POLR3B: variants seen among roughly 807,000 people sequenced by gnomAD.
POLR3B encodes the protein DNA-directed RNA polymerase III subunit RPC2.
POLR3B carries 96 observed loss-of-function variants against 147.4 expected under a neutral mutation model. The observed-to-expected ratio is 0.65, with a 90% confidence interval of 0.55 to 0.77. POLR3B has a LOEUF of 0.77. POLR3B is among the 30% of genes least tolerant of loss of function. The pLI, the probability that POLR3B is intolerant of heterozygous loss-of-function variation, is 0.00. For synonymous variants in POLR3B, 461 were observed against 485.9 expected (o/e 0.95, Z 0.67); for missense variants, 1,036 against 1,413.5 (o/e 0.73, Z 4.28).
chr12:106,367,474 T>A (rs1335884207), intron 4 of POLR3B, among the ~76,000 whole-genome samples: 2 of 152,214 alleles, frequency 1.3e-5, no homozygotes, highest in African/African-American at 2.4e-5. Flanking sequence ...GAGCTCCGTG[T>A]TATGTTTAGT....
At chr12:106,365,307 A>C (rs2036519359) in intron 2 of POLR3B, among the ~76,000 whole-genome samples, 1 of 152,116 alleles carries the variant, frequency 6.6e-6, no homozygotes, top group South Asian at 2.1e-4. Flanking sequence ...TTTTCTTCTA[A>C]AAGCCGTAGG....
chr12:106,464,294 G>A (rs2037977511), intron 23 of POLR3B, among the ~76,000 whole-genome samples: 1 of 152,182 alleles, frequency 6.6e-6, no homozygotes, highest in South Asian at 2.1e-4. Context: ...AGCTCTGCCT[G>A]CCGCTTAGCT....
At chr12:106,444,379 G>A in intron 18 of POLR3B, 84 bp from the exon 19 acceptor site, 1 of 1,369,420 alleles carries the variant, frequency 7.3e-7, no homozygotes, top group Non-Finnish European at 1.0e-6. Flanking sequence ...GGAGGACCTA[G>A]ATAACAATAT....
intron 1 of POLR3B, among the ~76,000 whole-genome samples, chr12:106,362,342 A>G (rs1209495373): frequency 1.3e-5 from 2 of 152,152 alleles, no homozygotes; most frequent in African/African-American, 4.8e-5. Context: ...ATGTGGGAGT[A>G]TTAGCTCATA....
At chr12:106,493,829 T>G (rs1436153893) in intron 23 of POLR3B, among the ~76,000 whole-genome samples, 2 of 152,200 alleles carry the variant, frequency 1.3e-5, no homozygotes, top group Non-Finnish European at 2.9e-5. Context: ...ATCATTCACT[T>G]TCACACAAAA....
intron 16 of POLR3B, among the ~76,000 whole-genome samples, chr12:106,436,422 A>G (rs1004138398): frequency 6.6e-6 from 1 of 152,194 alleles, no homozygotes; most frequent in African/African-American, 2.4e-5. Context: ...TACGTCACTG[A>G]AAACCACAAA....
intron 23 of POLR3B, among the ~76,000 whole-genome samples, chr12:106,490,685 G>C (rs1468931786): frequency 6.6e-6 from 1 of 152,086 alleles, no homozygotes; most frequent in Non-Finnish European, 1.5e-5. Context: ...AGGTTAATTC[G>C]ATAGCTGGAA....
Position 106,357,760 on chromosome 12 carries a change from C to G in POLR3B, c.-120C>G, listed in dbSNP as rs1242477574. 1.0e-6 allele frequency: 1 copy of G among 1,004,156 alleles called. No individual in the cohort carries two copies. The highest frequency in any genetic ancestry group is 1.5e-6 in the Non-Finnish European group (1 of 652,782). The allele number at this position is 1,004,156 out of a possible 1,614,324, so 62.2% of individuals were successfully genotyped here. ...ACCTTTCTACCGCGTCTCTAGCTAA[C>G]ACGCACGGCGGGGACAGTTTAGGCC... On this transcript the variant is annotated 5_prime_UTR_variant, in exon 1 of 28. Transcript: ENST00000228347.
At chr12:106,455,007 G>A (rs995361868) in intron 20 of POLR3B, among the ~76,000 whole-genome samples, 2 of 152,136 alleles carry the variant, frequency 1.3e-5, no homozygotes, top group Non-Finnish European at 2.9e-5. Context: ...TTGTTTTCCA[G>A]CAGGAATTAC....
chr12:106,444,422 A>G, intron 18 of POLR3B, 41 bp from the exon 19 acceptor site: 1 of 1,607,856 alleles, frequency 6.2e-7, no homozygotes. Context: ...TTATTTTTGT[A>G]CTTGATGCTT....
At chr12:106,433,628 G>A in intron 15 of POLR3B, 91 bp from the exon 16 acceptor site, 1 of 1,041,114 alleles carries the variant, frequency 9.6e-7, no homozygotes, top group Non-Finnish European at 1.4e-6. Context: ...TAACTGCTTA[G>A]TGCTGATTAC....
rs1184017504 is a variant in POLR3B, at chr12:106,476,461, T to G, written c.2713+12841T>G. Among the ~76,000 whole-genome samples the G allele has an allele frequency of 1.3e-4, 9 of 70,866 alleles. No individual in the cohort carries two copies. The East Asian group carries it at 2.1e-3, about 17-fold the overall frequency. The allele number at this position is 70,866 out of a possible 152,430, so 46.5% of individuals were successfully genotyped here. A position where few individuals can be genotyped will look rare whatever the true frequency, so the allele number is the denominator to read the frequency against. On this transcript the variant is annotated intron_variant, in intron 23 of 27. Transcript: ENST00000228347. ...CTCCTGGATAATATCCTGCAGAGTG[T>G]TTTCCAACTTGGTTCCATTCTCCTC...
chr12:106,437,179 C>A, intron 17 of POLR3B, 48 bp downstream of exon 17: 1 of 1,191,470 alleles, frequency 8.4e-7, no homozygotes, highest in Non-Finnish European at 1.2e-6. Context: ...TACCCACATA[C>A]ATGATTTAAG....
chr12:106,471,607 G>A (rs377034099), intron 23 of POLR3B, among the ~76,000 whole-genome samples: 38 of 152,144 alleles, frequency 2.5e-4, no homozygotes, highest in South Asian at 2.1e-3. Context: ...GATGCAGTCA[G>A]TCTCCACTAA....
intron 19 of POLR3B, chr12:106,446,415 CA>C: frequency 5.5e-5 from 7 of 127,536 alleles, no homozygotes; most frequent in Admixed American, 1.7e-4. Flanking sequence ...CTCCTCTCCC[CA>C]CAAAAAAAAA....
intron 23 of POLR3B, among the ~76,000 whole-genome samples, chr12:106,476,695 C>A (rs1417158928): frequency 6.7e-6 from 1 of 149,982 alleles, no homozygotes; most frequent in Non-Finnish European, 1.5e-5. Context: ...ACGTAGTTCT[C>A]GAGCCTTGGT....
chr12:106,486,233 G>A (rs947667544), intron 23 of POLR3B, among the ~76,000 whole-genome samples: 1 of 144,386 alleles, frequency 6.9e-6, no homozygotes, highest in Non-Finnish European at 1.5e-5. Flanking sequence ...AGCTTGCAGC[G>A]AGCCTAGATT....
intron 25 of POLR3B, among the ~76,000 whole-genome samples, chr12:106,499,059 G>T (rs1357396967): frequency 6.6e-6 from 1 of 152,144 alleles, no homozygotes; most frequent in African/African-American, 2.4e-5. Context: ...TAATAATATG[G>T]ATTTCTTAGG....
chr12:106,363,882 CT>C lies in POLR3B; in HGVS notation c.86del (p.Leu29ArgfsTer6). Reference sequence around the variant, plus strand: ...TTTTGGCTCACAGGAAAAATGGAGGCTGCTTCCAGCATTTTTAAAGGTAATT... The same window carrying C: ...TTTTGGCTCACAGGAAAAATGGAGGCGCTTCCAGCATTTTTAAAGGTAATT... Reference protein sequence around the residue: ...PIPTVEEKWRLLPAFLKVKGL... With the variant: ...PIPTVEEKWRXLPAFLKVKGL... On this transcript the variant is annotated frameshift_variant, in exon 2 of 28. Coordinates refer to ENST00000228347, the MANE Select transcript of POLR3B (RefSeq NM_018082.6). LOFTEE classifies it high-confidence loss of function. 1 of 1,608,086 alleles carries C rather than the reference CT, an allele frequency of 6.2e-7. No homozygotes were observed. Among genetic ancestry groups the C allele is most frequent in the Non-Finnish European group, 8.5e-7 (1 of 1,175,032 alleles).
Sources: gnomAD v4.1 joint callset for allele counts (sites outside exome capture counted in the v4.1 genomes callset) on GRCh38, gnomAD v4.1.1 for gene constraint, MANE v1.5 for transcripts, NCBI Gene and HGNC (gene_info 2026-07-23, HGNC 2026-07-21) for gene names.